The following ZYG11B variants were observed in gnomAD, a reference collection of about 807,000 sequenced individuals.
The protein encoded by ZYG11B is protein zyg-11 homolog B.
Under a neutral mutation model 82.4 loss-of-function variants are expected in ZYG11B, and 36 were observed. That is an observed-to-expected ratio of 0.44 (90% CI 0.33 to 0.58). The LOEUF (loss-of-function observed/expected upper bound fraction) is 0.58, where lower values mean the gene tolerates loss of function less well. Ranked by LOEUF, ZYG11B falls within the 20% of genes least tolerant of loss-of-function variation. The pLI, the probability that ZYG11B is intolerant of heterozygous loss-of-function variation, is 0.02. For synonymous variants in ZYG11B, 303 were observed against 312.8 expected (o/e 0.97, Z 0.33); for missense variants, 552 against 895.6 (o/e 0.62, Z 4.90).
chr1:52,726,647 A>T lies in ZYG11B; in HGVS notation c.-7A>T. ...CGGCCCGCCGCCGCACCCAGGACGG[A>T]GGCTGCATGCCCGAGGACCAGGCCG... is the stretch of plus-strand genomic sequence containing the variant. On this transcript the variant is annotated 5_prime_UTR_variant, in exon 1 of 14. Transcript: ENST00000294353. 6.8e-7 allele frequency: 1 copy of T among 1,467,696 alleles called. No homozygotes were observed. The highest frequency in any genetic ancestry group is 9.0e-7 in the Non-Finnish European group (1 of 1,116,062). The allele number at this position is 1,467,696 out of a possible 1,614,324, so 90.9% of individuals were successfully genotyped here. A position where few individuals can be genotyped will look rare whatever the true frequency, so the allele number is the denominator to read the frequency against.
In ZYG11B at chr1:52,783,878, G is replaced by GCGTA. The variant is rs1327523515; in HGVS notation, c.1093-999_1093-998insCGTA. ...TGTGTGTGTATGTACATACACGTGT[G>GCGTA]TGTATATGTACATACACGTGTGTGT... is the stretch of plus-strand genomic sequence containing the variant. On this transcript the variant is annotated intron_variant, in intron 4 of 13. Transcript: ENST00000294353. Among the ~76,000 whole-genome samples, 215 of 107,500 alleles carry GCGTA rather than the reference G, an allele frequency of 2.0e-3. 2 individuals carry two copies. Among genetic ancestry groups the GCGTA allele is most frequent in the African/African-American group, 5.0e-3 (97 of 19,468 alleles). The allele number at this position is 107,500 out of a possible 152,430, so 70.5% of individuals were successfully genotyped here. A position where few individuals can be genotyped will look rare whatever the true frequency, so the allele number is the denominator to read the frequency against.
At chr1:52,756,723 G>A in intron 2 of ZYG11B, 100 bp downstream of exon 2, 1 of 1,193,334 alleles carries the variant, frequency 8.4e-7, no homozygotes, top group Non-Finnish European at 1.2e-6. Context: ...AGAAATAACT[G>A]AGAAGGCCAA....
rs201742614 is a variant in ZYG11B, at chr1:52,756,605, C to A, written c.178C>A (p.Arg60=). Residue 60 remains arginine, a synonymous_variant, in exon 2 of 14, where the codon CGG becomes AGG. Transcript: ENST00000294353. ...ACAGGAGGTGGCTGATCGACTGCTT[C>A]GGACCATGGCTTTTCATGGTAAAAA... The part of the protein sequence containing the change: ...FPQEVADRLL[R]TMAFHGLLND... The A allele has an allele frequency of 6.1e-5, 97 of 1,601,266 alleles. No individual in the cohort carries two copies. In the East Asian group the frequency reaches 2.1e-3, roughly 35 times the overall value.
chr1:52,766,268 G>A (rs557727927), intron 2 of ZYG11B, among the ~76,000 whole-genome samples: 46 of 151,828 alleles, frequency 3.0e-4, no homozygotes, highest in African/African-American at 1.1e-3. Flanking sequence ...CTACAGGCGT[G>A]TGCCACCATG....
chr1:52,760,760 C>CTTT (rs35437248), intron 2 of ZYG11B, among the ~76,000 whole-genome samples: 3 of 104,668 alleles, frequency 2.9e-5, no homozygotes, highest in East Asian at 3.6e-4. Flanking sequence ...GCCTGGCCTA[C>CTTT]TTTTTTTTTT....
intron 1 of ZYG11B, among the ~76,000 whole-genome samples, chr1:52,747,627 G>T (rs956591724): frequency 6.6e-6 from 1 of 151,916 alleles, no homozygotes; most frequent in Non-Finnish European, 1.5e-5. Flanking sequence ...GACTGCATGT[G>T]GTTCTAGGGA....
At chr1:52,759,574 G>A (rs1360950333) in intron 2 of ZYG11B, among the ~76,000 whole-genome samples, 3 of 152,172 alleles carry the variant, frequency 2.0e-5, no homozygotes, top group African/African-American at 7.2e-5. Context: ...ATAACTTGTT[G>A]TCCCTAATTG....
intron 5 of ZYG11B, among the ~76,000 whole-genome samples, chr1:52,788,875 G>A (rs948749194): frequency 3.3e-5 from 5 of 152,166 alleles, no homozygotes; most frequent in African/African-American, 4.8e-5. Flanking sequence ...AATTAGAATA[G>A]CATTATTGCC....
chr1:52,816,535 C>G lies in ZYG11B; in HGVS notation c.1950C>G (p.Ser650=). 1 of 1,607,238 alleles carries G rather than the reference C, an allele frequency of 6.2e-7. No individual in the cohort carries two copies. Among genetic ancestry groups the G allele is most frequent in the East Asian group, 2.2e-5 (1 of 44,748 alleles). Residue 650 remains serine (S), a synonymous_variant, in exon 13 of 14, where the codon TCC becomes TCG. Coordinates refer to ENST00000294353, the MANE Select transcript of ZYG11B (RefSeq NM_024646.3). ...TTCTTTTCTTTTGAACCTTTAGGTC[C>G]TTTAATCCATTTTTCCCATTACTTG... The part of the protein sequence containing the change: ...TPECEMVAYR[S]FNPFFPLLGC...
chr1:52,820,888 G>A (rs1645277445), intron 13 of ZYG11B, among the ~76,000 whole-genome samples: 1 of 151,690 alleles, frequency 6.6e-6, no homozygotes, highest in African/African-American at 2.4e-5. Flanking sequence ...ATTGCTTGAG[G>A]GCAGGAGTTT....
intron 10 of ZYG11B, among the ~76,000 whole-genome samples, chr1:52,806,681 A>C (rs1189685510): frequency 2.0e-5 from 3 of 151,848 alleles, no homozygotes; most frequent in African/African-American, 7.3e-5. Flanking sequence ...TTATCCTTTT[A>C]CTTTTAACCT....
intron 1 of ZYG11B, among the ~76,000 whole-genome samples, chr1:52,735,182 C>T (rs978160263): frequency 6.6e-6 from 1 of 151,666 alleles, no homozygotes; most frequent in Non-Finnish European, 1.5e-5. Flanking sequence ...AGGCATGTGC[C>T]ACCATGCCTG....
chr1:52,781,291 G>T (rs1402107452), intron 4 of ZYG11B, among the ~76,000 whole-genome samples: 1 of 152,000 alleles, frequency 6.6e-6, no homozygotes, highest in Non-Finnish European at 1.5e-5. Context: ...TTGAGCTCAG[G>T]AGTTCAAGAC....
At chr1:52,749,739 GAC>G (rs1644505957) in intron 1 of ZYG11B, among the ~76,000 whole-genome samples, 1 of 152,144 alleles carries the variant, frequency 6.6e-6, no homozygotes, top group Non-Finnish European at 1.5e-5. Context: ...TTTTATTAGA[GAC>G]AGGGTTTTGC....
At chr1:52,767,002 G>A (rs147492647) in intron 2 of ZYG11B, among the ~76,000 whole-genome samples, 3,648 of 113,524 alleles carry the variant, frequency 0.032, 156 homozygotes, top group African/African-American at 0.12. Flanking sequence ...GCGAGACTCC[G>A]TCTCAAAAAA....
intron 3 of ZYG11B, chr1:52,772,670 A>C (rs951451156): frequency 9.0e-6 from 7 of 778,596 alleles, no homozygotes; most frequent in African/African-American, 5.1e-5. Flanking sequence ...TCAGGCAACG[A>C]AAGGCTTGTT....
At chr1:52,757,099 A>G (rs1571754596) in intron 2 of ZYG11B, among the ~76,000 whole-genome samples, 1 of 150,250 alleles carries the variant, frequency 6.7e-6, no homozygotes, top group African/African-American at 2.5e-5. Context: ...GCTGGAGTAC[A>G]GTAGCACAAA....
chr1:52,780,697 T>G (rs1558131554), intron 4 of ZYG11B, among the ~76,000 whole-genome samples: 1 of 152,124 alleles, frequency 6.6e-6, no homozygotes, highest in Non-Finnish European at 1.5e-5. Flanking sequence ...GGCCTCAAAC[T>G]CCTGGGCTCA....
chr1:52,817,775 G>GTATATATATA lies in ZYG11B; in HGVS notation c.2044+1147_2044+1148insATATATATAT, dbSNP rs1553264314. On this transcript the variant is annotated intron_variant, in intron 13 of 13. Transcript: ENST00000294353. ...TTAATAGTAAAGTGTGTATATATATGTGTATATATATATATATATATATAT... is the reference window on the plus strand; with the variant it reads ...TTAATAGTAAAGTGTGTATATATATGTATATATATATGTATATATATATATATATATATAT... Among the ~76,000 whole-genome samples, 172 of 32,550 alleles carry GTATATATATA rather than the reference G, an allele frequency of 5.3e-3. 9 individuals are homozygous for GTATATATATA. Among genetic ancestry groups the GTATATATATA allele is most frequent in the Non-Finnish European group, 7.8e-3 (114 of 14,604 alleles). The allele number at this position is 32,550 out of a possible 152,430, so 21.4% of individuals were successfully genotyped here. A position where few individuals can be genotyped will look rare whatever the true frequency, so the allele number is the denominator to read the frequency against.
Sources: gnomAD v4.1 joint callset for allele counts (sites outside exome capture counted in the v4.1 genomes callset) on GRCh38, gnomAD v4.1.1 for gene constraint, MANE v1.5 for transcripts, NCBI Gene and HGNC (gene_info 2026-07-23, HGNC 2026-07-21) for gene names.